Variants in ARSD observed in about 807,000 individuals in gnomAD.
The protein encoded by ARSD is testis tissue sperm-binding protein Li 39a.
In ARSD, 21 loss-of-function variants were observed where a neutral mutation model predicts 32.6. The ratio of observed to expected loss-of-function variants is 0.64; its 90% CI spans 0.46 to 0.93. The LOEUF is 0.93. ARSD is among the 40% of genes least tolerant of loss of function. ARSD has a pLI of 0.00. For missense variants in ARSD, 454 were observed against 520.9 expected, an observed-to-expected ratio of 0.87 and a Z score of 1.25; for synonymous variants, 224 against 237.4, an observed-to-expected ratio of 0.94 and a Z score of 0.52.
At chrX:2,924,822 G>A (rs2089066438) in intron 2 of ARSD, among the ~76,000 whole-genome samples, 4 of 111,972 alleles carry the variant, frequency 3.6e-5, no homozygotes, top group Middle Eastern at 9.2e-3. Context: ...GCATGGGGAC[G>A]GAGGCACAAA....
intron 2 of ARSD, among the ~76,000 whole-genome samples, chrX:2,923,961 C>T (rs765651962): frequency 6.2e-5 from 7 of 112,226 alleles, no homozygotes; most frequent in South Asian, 3.7e-4. Context: ...ACAGATGAAC[C>T]GCATGTTCTG....
chrX:2,908,276 ATCTT>A (rs1246014331), intron 9 of ARSD, among the ~76,000 whole-genome samples: 1 of 110,185 alleles, frequency 9.1e-6, no homozygotes, highest in East Asian at 2.9e-4. Flanking sequence ...TCCATCATCT[ATCTT>A]ATATATCTAT....
rs752079571 is a variant in ARSD at position 2,907,119 on chromosome X, AAAAGAAAG to A, written c.*144_*151del. On this transcript the variant is annotated 3_prime_UTR_variant, in exon 10 of 10. Coordinates refer to ENST00000381154, the MANE Select transcript of ARSD (RefSeq NM_001669.4). ...GGGACAGAGCGACACTCTGTCTCAA[AAAAGAAAG>A]AAAGAAAGAAAGAAAGTGGGGACCC... 39 of 521,569 alleles carry A rather than the reference AAAAGAAAG, an allele frequency of 7.5e-5. No homozygotes were observed. The South Asian group carries it at 9.4e-4, about 13-fold the overall frequency. The allele number at this position is 521,569 out of a possible 1,213,427, so 43.0% of individuals were successfully genotyped here. A position where few individuals can be genotyped will look rare whatever the true frequency, so the allele number is the denominator to read the frequency against.
At chrX:2,916,188 C>T (rs1569088620) in intron 5 of ARSD, among the ~76,000 whole-genome samples, 1 of 99,281 alleles carries the variant, frequency 1.0e-5, no homozygotes, top group Non-Finnish European at 2.0e-5. Flanking sequence ...GAATACTATT[C>T]AGCCATAAAA....
intron 8 of ARSD, 53 bp downstream of exon 8, chrX:2,909,764 A>C (rs2088886126): frequency 2.7e-6 from 3 of 1,119,196 alleles, no homozygotes; most frequent in South Asian, 2.3e-5. Context: ...AAAAAAAAAA[A>C]ACTAAAAACA....
Position 2,918,245 on chromosome X carries a change from G to A in ARSD, c.440-18C>T, listed in dbSNP as rs774003854. 1 of 1,133,488 alleles carries A rather than the reference G, an allele frequency of 8.8e-7. No homozygotes were observed. 93.4% of individuals were successfully genotyped at this position (1,133,488 alleles called of 1,213,427 possible). ...CCATTTTCCTAAAAGAAACGCAAAT[G>A]TTCAACAGAGACCCGCTTTGAAGCA... On this transcript the variant is annotated intron_variant, in intron 4 of 9. Coordinates refer to ENST00000381154, the MANE Select transcript of ARSD (RefSeq NM_001669.4).
At chrX:2,920,360 C>T (rs765783987) in intron 4 of ARSD, 10 of 368,150 alleles carry the variant, frequency 2.7e-5, no homozygotes, top group South Asian at 3.8e-5. Flanking sequence ...TGCAGGAAAA[C>T]GGGATCTTTT....
Position 2,918,043 on chromosome X carries a change from C to A in ARSD, c.624G>T (p.Ala208=). Residue 208 remains alanine (A), a synonymous_variant, in exon 5 of 10, where the codon GCG becomes GCT. Coordinates refer to ENST00000381154, the MANE Select transcript of ARSD (RefSeq NM_001669.4). Reference sequence around the variant, plus strand: ...CGGCAGCCAGGGTGAGAATCCCCAGCGCCAGGAACTGGGTGTAACCCCAGA... The same window carrying A: ...CGGCAGCCAGGGTGAGAATCCCCAGAGCCAGGAACTGGGTGTAACCCCAGA... ...AQLWGYTQFL[A]LGILTLAAGQ... is the part of the protein sequence containing the mutation. 2 of 1,202,949 alleles carry A rather than the reference C, an allele frequency of 1.7e-6. No individual in the cohort carries two copies. The highest frequency in any genetic ancestry group is 2.2e-6 in the Non-Finnish European group (2 of 890,925).
chrX:2,924,576 AC>A (rs1198268539), intron 2 of ARSD, among the ~76,000 whole-genome samples: 1 of 113,243 alleles, frequency 8.8e-6, no homozygotes, highest in Non-Finnish European at 1.9e-5. Context: ...CATAGAGGCT[AC>A]TACTCTGTGT....
At chrX:2,908,927 T>C in intron 8 of ARSD, 85 bp from the exon 9 acceptor site, 1 of 1,171,916 alleles carries the variant, frequency 8.5e-7, no homozygotes, top group South Asian at 1.9e-5. Context: ...TCTCCCAGAA[T>C]GCAAGGCTCC....
intron 4 of ARSD, among the ~76,000 whole-genome samples, chrX:2,918,586 TA>T (rs998908773): frequency 9.1e-6 from 1 of 109,578 alleles, no homozygotes; most frequent in South Asian, 3.9e-4. Flanking sequence ...CCGTCCCTAC[TA>T]AAAAAATACA....
intron 6 of ARSD, chrX:2,913,471 G>C: frequency 1.1e-6 from 1 of 909,313 alleles, no homozygotes; most frequent in Non-Finnish European, 1.4e-6. Context: ...TCAGATGGTT[G>C]TGGGGGGCCT....
At chrX:2,910,438 A>G (rs1219286720) in intron 7 of ARSD, among the ~76,000 whole-genome samples, 1 of 111,443 alleles carries the variant, frequency 9.0e-6, no homozygotes, top group Non-Finnish European at 1.9e-5. Context: ...ATTTATTTAT[A>G]CCTCTCTGTA....
intron 2 of ARSD, among the ~76,000 whole-genome samples, chrX:2,924,890 G>T (rs191876895): frequency 3.3e-4 from 36 of 107,727 alleles, no homozygotes; most frequent in South Asian, 1.6e-3. Context: ...GCTGGGAGAG[G>T]CAGGAAGGGT....
intron 4 of ARSD, among the ~76,000 whole-genome samples, chrX:2,918,916 C>G (rs1252323855): frequency 4.5e-5 from 5 of 110,082 alleles, no homozygotes; most frequent in Non-Finnish European, 9.5e-5. Context: ...GAGTTCGAGA[C>G]CAGCCTGGCC....
chrX:2,915,352 A>C (rs2088946758), intron 6 of ARSD, among the ~76,000 whole-genome samples: 1 of 111,595 alleles, frequency 9.0e-6, no homozygotes, highest in Non-Finnish European at 1.9e-5. Context: ...ACAGGGTTTC[A>C]CCATGTTGCC....
intron 9 of ARSD, among the ~76,000 whole-genome samples, chrX:2,908,381 A>G (rs1423830788): frequency 9.1e-6 from 1 of 110,411 alleles, no homozygotes; most frequent in Non-Finnish European, 1.9e-5. Flanking sequence ...TATCTTAAAT[A>G]TCTATCCATC....
chrX:2,910,017 C>G (rs1297912978), intron 7 of ARSD, 38 bp from the exon 8 acceptor site: 1 of 1,206,512 alleles, frequency 8.3e-7, no homozygotes, highest in South Asian at 1.8e-5. Context: ...TTGCCGGAAA[C>G]TGCCCAGTCT....
intron 1 of ARSD, among the ~76,000 whole-genome samples, chrX:2,928,729 C>T (rs1033775833): frequency 2.9e-5 from 2 of 68,211 alleles, no homozygotes; most frequent in Admixed American, 2.1e-4. Flanking sequence ...CAAGGCTACG[C>T]TTCGGGGGAT....
Sources: gnomAD v4.1 joint callset for allele counts (sites outside exome capture counted in the v4.1 genomes callset) on GRCh38, gnomAD v4.1.1 for gene constraint, MANE v1.5 for transcripts, NCBI Gene and HGNC (gene_info 2026-07-23, HGNC 2026-07-21) for gene names.